The following FAM117B variants were observed in gnomAD, a reference collection of about 807,000 sequenced individuals.
The protein encoded by FAM117B is family with sequence similarity 117 member B.
In FAM117B, 22 loss-of-function variants were observed where a neutral mutation model predicts 52.8. The observed-to-expected ratio is 0.42, with a 90% CI of 0.30 to 0.59. The LOEUF (loss-of-function observed/expected upper bound fraction) is 0.59, where lower values mean the gene tolerates loss of function less well. Among genes scored for constraint, FAM117B ranks in the 20% least tolerant of loss-of-function variants. FAM117B has a pLI of 0.22. For missense variants in FAM117B, 678 were observed against 802.6 expected (o/e 0.84, Z 1.88); for synonymous variants, 309 against 324.1 (o/e 0.95, Z 0.50).
chr2:202,747,083 A>G (rs1399384582), intron 4 of FAM117B, among the ~76,000 whole-genome samples: 2 of 152,220 alleles, frequency 1.3e-5, no homozygotes, highest in Non-Finnish European at 2.9e-5. Context: ...ATATAGCAAG[A>G]TTAAGTGGGA....
At chr2:202,637,141 C>T (rs985263071) in intron 1 of FAM117B, among the ~76,000 whole-genome samples, 1 of 152,116 alleles carries the variant, frequency 6.6e-6, no homozygotes. Context: ...AGGTGAAACG[C>T]CCGCCTTGGC....
intron 1 of FAM117B, among the ~76,000 whole-genome samples, chr2:202,672,469 C>T (rs1000494986): frequency 6.6e-6 from 1 of 152,222 alleles, no homozygotes; most frequent in African/African-American, 2.4e-5. Context: ...CCGCCTTAGC[C>T]TCCCAAAGTG....
intron 2 of FAM117B, among the ~76,000 whole-genome samples, chr2:202,710,887 CTTTT>C (rs1054675952): frequency 1.3e-5 from 2 of 151,420 alleles, no homozygotes; most frequent in African/African-American, 4.8e-5. Context: ...GACAGGATCT[CTTTT>C]TTTTTGTTAT....
chr2:202,636,363 TA>T (rs993468100), intron 1 of FAM117B, among the ~76,000 whole-genome samples: 3 of 152,228 alleles, frequency 2.0e-5, no homozygotes, highest in African/African-American at 7.2e-5. Context: ...AAGTGAAAAT[TA>T]AACAAGATTC....
chr2:202,641,891 G>C lies in FAM117B; in HGVS notation c.601+6103G>C, dbSNP rs188026968. Among the ~76,000 whole-genome samples, 1,261 of 151,312 alleles carry C rather than the reference G, an allele frequency of 8.3e-3. 24 individuals are homozygous for C. Among genetic ancestry groups the C allele is most frequent in the African/African-American group, 0.029 (1,192 of 41,290 alleles). The stretch of plus-strand genomic sequence containing the variant: ...TGACCTCAGGCGGTCCATCCGCCTC[G>C]GCCTCCCAAAGTGCTGAGATTACAG... On this transcript the variant is annotated intron_variant, in intron 1 of 7. Coordinates refer to ENST00000392238, the MANE Select transcript of FAM117B (RefSeq NM_173511.4).
chr2:202,642,381 G>C (rs1271720854), intron 1 of FAM117B, among the ~76,000 whole-genome samples: 1 of 145,604 alleles, frequency 6.9e-6, no homozygotes, highest in African/African-American at 2.7e-5. Context: ...AGTAGAGTGT[G>C]ACTTGAGATA....
intron 7 of FAM117B, among the ~76,000 whole-genome samples, chr2:202,759,878 G>A (rs1691858635): frequency 1.3e-5 from 2 of 151,530 alleles, no homozygotes; most frequent in African/African-American, 2.4e-5. Flanking sequence ...ATATTTTAAA[G>A]TTTGGAGAGA....
chr2:202,644,064 G>GTTTTTTTTTTTTTTTTTTTTT (rs1161026426), intron 1 of FAM117B, among the ~76,000 whole-genome samples: 17 of 95,144 alleles, frequency 1.8e-4, no homozygotes, highest in African/African-American at 5.0e-4. Flanking sequence ...TTTTTTTTTT[G>GTTTTTTTTTTTTTTTTTTTTT]TTTTTTTTTT....
chr2:202,742,066 A>C (rs572700730), intron 4 of FAM117B, among the ~76,000 whole-genome samples: 2 of 152,344 alleles, frequency 1.3e-5, no homozygotes, highest in South Asian at 4.1e-4. Flanking sequence ...CAAATGTAAA[A>C]TGTGTTACTC....
At chr2:202,640,487 A>G (rs1689754843) in intron 1 of FAM117B, among the ~76,000 whole-genome samples, 1 of 151,524 alleles carries the variant, frequency 6.6e-6, no homozygotes, top group African/African-American at 2.4e-5. Context: ...TCAAGAAGCA[A>G]GATAACCAGA....
At chr2:202,636,681 T>C (rs887574941) in intron 1 of FAM117B, among the ~76,000 whole-genome samples, 1 of 152,158 alleles carries the variant, frequency 6.6e-6, no homozygotes, top group African/African-American at 2.4e-5. Flanking sequence ...AAATGGGTGG[T>C]TTTTACTTAC....
At chr2:202,709,948 G>C (rs781347515) in intron 2 of FAM117B, among the ~76,000 whole-genome samples, 4 of 152,076 alleles carry the variant, frequency 2.6e-5, no homozygotes, top group Admixed American at 2.6e-4. Context: ...TTAATGTGTG[G>C]ATTTATTTAT....
rs551829882 is a variant in FAM117B, at chr2:202,635,108, C to T, written c.-80C>T. ...ACCCCGTCTTGGGGGGCCTGCCCTC[C>T]GGCCTCGAGAATCCTCCCCCTGCAG... On this transcript the variant is annotated 5_prime_UTR_variant, in exon 1 of 8. Transcript: ENST00000392238. 370 of 1,251,344 alleles carry T rather than the reference C, an allele frequency of 3.0e-4. 5 individuals are homozygous for T. In the South Asian group the frequency reaches 0.01, roughly 35 times the overall value. The allele number at this position is 1,251,344 out of a possible 1,614,324, so 77.5% of individuals were successfully genotyped here. A position where few individuals can be genotyped will look rare whatever the true frequency, so the allele number is the denominator to read the frequency against.
intron 1 of FAM117B, among the ~76,000 whole-genome samples, chr2:202,655,471 TGAG>T (rs959270693): frequency 2.0e-5 from 3 of 152,094 alleles, no homozygotes; most frequent in Non-Finnish European, 4.4e-5. Context: ...AATATTTTGT[TGAG>T]GATTTTTACA....
intron 1 of FAM117B, among the ~76,000 whole-genome samples, chr2:202,680,630 C>T (rs955260398): frequency 4.6e-5 from 7 of 151,894 alleles, no homozygotes; most frequent in Non-Finnish European, 5.9e-5. Flanking sequence ...TACAGAGAAA[C>T]AGCCAAAAAA....
At chr2:202,715,576 G>T (rs1213507097) in intron 2 of FAM117B, among the ~76,000 whole-genome samples, 1 of 151,936 alleles carries the variant, frequency 6.6e-6, no homozygotes, top group Admixed American at 6.6e-5. Flanking sequence ...TGGCCGGGAA[G>T]AGGCGCTCCT....
chr2:202,746,378 TAAAG>T (rs972042653), intron 4 of FAM117B, among the ~76,000 whole-genome samples: 1 of 151,558 alleles, frequency 6.6e-6, no homozygotes, highest in African/African-American at 2.4e-5. Context: ...AATGAAGAAA[TAAAG>T]GAAATAAAAA....
At chr2:202,733,045 A>AC in intron 4 of FAM117B, among the ~76,000 whole-genome samples, 1 of 152,160 alleles carries the variant, frequency 6.6e-6, no homozygotes, top group African/African-American at 2.4e-5. Flanking sequence ...TGAGAAATAA[A>AC]GAGAAAGAGT....
intron 4 of FAM117B, among the ~76,000 whole-genome samples, chr2:202,740,827 G>A (rs1691521451): frequency 6.6e-6 from 1 of 151,908 alleles, no homozygotes; most frequent in South Asian, 2.1e-4. Flanking sequence ...AATTTCTCTA[G>A]TTACAAAAAG....
Sources: gnomAD v4.1 joint callset for allele counts (sites outside exome capture counted in the v4.1 genomes callset) on GRCh38, gnomAD v4.1.1 for gene constraint, MANE v1.5 for transcripts, NCBI Gene and HGNC (gene_info 2026-07-23, HGNC 2026-07-21) for gene names.